The following TTLL11 variants were observed in gnomAD, a reference collection of about 807,000 sequenced individuals.
TTLL11 encodes tubulin tyrosine ligase like 11.
In TTLL11, 42 loss-of-function variants were observed where a neutral mutation model predicts 51.7. That is an observed-to-expected ratio of 0.81 (90% confidence interval 0.64 to 1.05). TTLL11 has a LOEUF of 1.05. Among genes scored for constraint, TTLL11 ranks in the 50% least tolerant of loss-of-function variants. The pLI is 0.00. For synonymous variants in TTLL11, 381 were observed against 383.5 expected, an observed-to-expected ratio of 0.99 and a Z score of 0.08; for missense variants, 799 against 940.4, an observed-to-expected ratio of 0.85 and a Z score of 1.97.
chr9:121,943,513 A>G (rs1464788717), intron 6 of TTLL11, among the ~76,000 whole-genome samples: 1 of 152,206 alleles, frequency 6.6e-6, no homozygotes, highest in Non-Finnish European at 1.5e-5. Flanking sequence ...TTATTTTACA[A>G]TGGAAGATCA....
intron 8 of TTLL11, among the ~76,000 whole-genome samples, chr9:121,825,449 A>T (rs1346638311): frequency 6.6e-6 from 1 of 152,192 alleles, no homozygotes; most frequent in Non-Finnish European, 1.5e-5. Flanking sequence ...GTCCTCATCA[A>T]TCACATTGTT....
At chr9:121,884,267 A>T (rs1164292602) in intron 6 of TTLL11, among the ~76,000 whole-genome samples, 1 of 152,128 alleles carries the variant, frequency 6.6e-6, no homozygotes, top group Non-Finnish European at 1.5e-5. Context: ...CATTCAAATC[A>T]ATTATTACCC....
At chr9:122,002,389 T>C (rs748727137) in intron 3 of TTLL11, among the ~76,000 whole-genome samples, 3 of 152,194 alleles carry the variant, frequency 2.0e-5, no homozygotes, top group Non-Finnish European at 2.9e-5. Context: ...AGGGAAGTTT[T>C]GATACCCTTT....
At chr9:121,912,179 G>A (rs895347221) in intron 6 of TTLL11, among the ~76,000 whole-genome samples, 3 of 152,204 alleles carry the variant, frequency 2.0e-5, no homozygotes, top group African/African-American at 7.2e-5. Context: ...CTCATCTACT[G>A]TACTGCTAGA....
In TTLL11 at chr9:121,853,256, G is replaced by A. The variant is rs1414463872; in HGVS notation, c.1840+7081C>T. ...CTCAGTGCTTGGCCTCATGCAGGCG[G>A]GAACAGCTCTGTTTCCTGGATGTTG... On this transcript the variant is annotated intron_variant, in intron 8 of 8. Transcript: ENST00000321582. The surrounding 1 kb of genome is among the most constrained non-coding windows in gnomAD (Gnocchi z 5.6). Among the ~76,000 whole-genome samples the A allele has an allele frequency of 6.6e-6, 1 of 152,174 alleles. No individual in the cohort carries two copies. Among genetic ancestry groups the A allele is most frequent in the East Asian group, 1.9e-4 (1 of 5,178 alleles).
chr9:122,042,359 C>T lies in TTLL11; in HGVS notation c.463-2991G>A, dbSNP rs576538763. On this transcript the variant is annotated intron_variant, in intron 1 of 8. Transcript: ENST00000321582. ...AGCTACAGTAATCAAATAGTGTATA[C>T]AATCACAATGAGATACCACCAGCAC... 2.0e-5 allele frequency among the ~76,000 whole-genome samples: 3 copies of T among 152,306 alleles called. No homozygotes were observed. The South Asian group carries it at 6.2e-4, about 32-fold the overall frequency.
chr9:121,956,333 C>T (rs977450378), intron 6 of TTLL11, among the ~76,000 whole-genome samples: 2 of 152,202 alleles, frequency 1.3e-5, no homozygotes, highest in African/African-American at 2.4e-5. Context: ...TTAGATTTTA[C>T]AATCATTTAA....
intron 8 of TTLL11, among the ~76,000 whole-genome samples, chr9:121,826,567 A>ATATGTG (rs1836810050): frequency 8.8e-6 from 1 of 113,468 alleles, no homozygotes; most frequent in African/African-American, 3.7e-5. Context: ...GTATATATAT[A>ATATGTG]TATATATATA....
intron 1 of TTLL11, among the ~76,000 whole-genome samples, chr9:122,080,099 AC>A: frequency 6.6e-6 from 1 of 152,324 alleles, no homozygotes; most frequent in South Asian, 2.1e-4. Context: ...TAATGGCCAC[AC>A]CAAAATAGCC....
At chr9:122,075,529 C>T (rs1270831097) in intron 1 of TTLL11, among the ~76,000 whole-genome samples, 1 of 152,230 alleles carries the variant, frequency 6.6e-6, no homozygotes, top group Non-Finnish European at 1.5e-5. Context: ...TTGCCTCTCC[C>T]TTCGTTCTCT....
At chr9:121,886,964 C>T (rs989598660) in intron 6 of TTLL11, among the ~76,000 whole-genome samples, 13 of 152,104 alleles carry the variant, frequency 8.5e-5, no homozygotes, top group South Asian at 4.2e-4. Context: ...AGCTCAGCTG[C>T]GTGGGATGAA....
intron 6 of TTLL11, among the ~76,000 whole-genome samples, chr9:121,947,077 G>A (rs1841696074): frequency 6.6e-6 from 1 of 152,046 alleles, no homozygotes; most frequent in Admixed American, 6.6e-5. Context: ...GAAAAATGGG[G>A]ACTAAAACCA....
At chr9:121,925,605 C>A (rs546323984) in intron 6 of TTLL11, among the ~76,000 whole-genome samples, 1 of 152,324 alleles carries the variant, frequency 6.6e-6, no homozygotes, top group African/African-American at 2.4e-5. Flanking sequence ...GCCCTCCAGA[C>A]CCTCCCAGGA....
At chr9:121,825,894 G>A (rs1304583211) in intron 8 of TTLL11, among the ~76,000 whole-genome samples, 2 of 150,704 alleles carry the variant, frequency 1.3e-5, no homozygotes, top group Non-Finnish European at 2.9e-5. Context: ...ATTCTAAAAC[G>A]AGAAGTGGGA....
intron 1 of TTLL11, among the ~76,000 whole-genome samples, chr9:122,065,238 G>T (rs1045087219): frequency 6.6e-6 from 1 of 152,132 alleles, no homozygotes; most frequent in African/African-American, 2.4e-5. Context: ...TTACTTAACT[G>T]CAATCTCCTG....
chr9:121,961,193 A>T (rs541188083), intron 6 of TTLL11, among the ~76,000 whole-genome samples: 1 of 151,794 alleles, frequency 6.6e-6, no homozygotes, highest in East Asian at 1.9e-4. Context: ...CTGCTGTAGC[A>T]CTCTTCCCAC....
At chr9:121,948,535 C>T (rs1453634182) in intron 6 of TTLL11, among the ~76,000 whole-genome samples, 1 of 152,206 alleles carries the variant, frequency 6.6e-6, no homozygotes, top group Non-Finnish European at 1.5e-5. Flanking sequence ...TCTCCAAGCC[C>T]TTCCATACGC....
intron 3 of TTLL11, among the ~76,000 whole-genome samples, chr9:121,990,465 G>C (rs1361152045): frequency 6.6e-6 from 1 of 152,224 alleles, no homozygotes; most frequent in Non-Finnish European, 1.5e-5. Context: ...CTTTTTAGAA[G>C]ATGAAGTGAC....
intron 1 of TTLL11, among the ~76,000 whole-genome samples, chr9:122,078,874 C>G (rs1410336878): frequency 1.3e-5 from 2 of 152,032 alleles, no homozygotes; most frequent in Non-Finnish European, 2.9e-5. Context: ...GGAGTCTGAA[C>G]TTTGTTCTTC....
Sources: allele counts gnomAD v4.1 joint callset (sites outside exome capture counted in the v4.1 genomes callset), GRCh38; gene constraint gnomAD v4.1.1; non-coding constraint Gnocchi (gnomAD v3.1); transcripts MANE v1.5; gene names NCBI Gene and HGNC (gene_info 2026-07-23, HGNC 2026-07-21).